The following SASH1 variants were observed in gnomAD, a reference collection of about 807,000 sequenced individuals.
SASH1 encodes SAM and SH3 domain containing 1, also known as SAM and SH3 domain-containing protein 1.
In SASH1, 44 loss-of-function variants were observed where a neutral mutation model predicts 125.2. The observed-to-expected ratio is 0.35, with a 90% CI of 0.28 to 0.45. The LOEUF (loss-of-function observed/expected upper bound fraction) is 0.45, where lower values mean the gene tolerates loss of function less well. Among genes scored for constraint, SASH1 ranks in the 20% least tolerant of loss-of-function variants. The probability of loss-of-function intolerance (pLI) is 1.00; values close to 1 mark genes in which losing one functional copy is unlikely to be tolerated. For synonymous variants in SASH1, 639 were observed against 649.1 expected (o/e 0.98, Z 0.24); for missense variants, 1,426 against 1,614.5 (o/e 0.88, Z 2.00).
intron 1 of SASH1, among the ~76,000 whole-genome samples, chr6:148,318,391 T>C (rs1780537132): frequency 6.6e-6 from 1 of 152,204 alleles, no homozygotes; most frequent in Non-Finnish European, 1.5e-5. Context: ...GATAGTTTAG[T>C]TCAAAATCAT....
chr6:148,316,822 T>C (rs776489914), intron 1 of SASH1, among the ~76,000 whole-genome samples: 2 of 152,234 alleles, frequency 1.3e-5, no homozygotes, highest in Non-Finnish European at 2.9e-5. Context: ...AGCTCTGGTA[T>C]GTCAGGGGTT....
chr6:148,494,542 G>A (rs918292909), intron 8 of SASH1, among the ~76,000 whole-genome samples: 4 of 152,190 alleles, frequency 2.6e-5, no homozygotes, highest in Middle Eastern at 3.4e-3. Context: ...CAGGAGAGTC[G>A]CTTGAACCCG....
upstream of SASH1, among the ~76,000 whole-genome samples, chr6:148,339,836 T>C (rs914854011): frequency 6.6e-6 from 1 of 152,162 alleles, no homozygotes; most frequent in African/African-American, 2.4e-5. Context: ...TGAGCCACCA[T>C]GCCCGGCCCG....
intron 1 of SASH1, among the ~76,000 whole-genome samples, chr6:148,302,612 ACG>A (rs1481637851): frequency 2.0e-5 from 3 of 149,100 alleles, no homozygotes; most frequent in African/African-American, 7.4e-5. Context: ...ACACACACAC[ACG>A]CAGAAATCAT....
chr6:148,328,099 A>T, intron 1 of SASH1, among the ~76,000 whole-genome samples: 1 of 152,138 alleles, frequency 6.6e-6, no homozygotes, highest in South Asian at 2.1e-4. Flanking sequence ...GACTACTCAC[A>T]CATGCGATTA....
At chr6:148,384,918 A>T (rs1459423947) in intron 1 of SASH1, among the ~76,000 whole-genome samples, 1 of 152,200 alleles carries the variant, frequency 6.6e-6, no homozygotes, top group African/African-American at 2.4e-5. Flanking sequence ...TTCATTTTTT[A>T]AAGCCTGAAT....
chr6:148,461,158 C>T (rs1777597195), intron 4 of SASH1, among the ~76,000 whole-genome samples: 1 of 152,208 alleles, frequency 6.6e-6, no homozygotes, highest in Non-Finnish European at 1.5e-5. Flanking sequence ...CACAACTGCA[C>T]TTAGAAAGAC....
chr6:148,389,453 A>T (rs1783609060), intron 1 of SASH1, among the ~76,000 whole-genome samples: 1 of 152,248 alleles, frequency 6.6e-6, no homozygotes, highest in African/African-American at 2.4e-5. Flanking sequence ...TGGACTTGGA[A>T]TGCCTAGTGA....
chr6:148,284,375 G>A (rs1038947820), intron 1 of SASH1, among the ~76,000 whole-genome samples: 1 of 152,098 alleles, frequency 6.6e-6, no homozygotes, highest in African/African-American at 2.4e-5. Context: ...GGAGGCAGAG[G>A]TTGCAGTGAG....
intron 8 of SASH1, among the ~76,000 whole-genome samples, chr6:148,506,697 A>G (rs1779821331): frequency 6.6e-6 from 1 of 152,156 alleles, no homozygotes; most frequent in South Asian, 2.1e-4. Flanking sequence ...CCTTGGGCTA[A>G]TCCTCTTCCC....
At chr6:148,494,288 C>T (rs1779225396) in intron 8 of SASH1, among the ~76,000 whole-genome samples, 1 of 152,192 alleles carries the variant, frequency 6.6e-6, no homozygotes, top group Non-Finnish European at 1.5e-5. Context: ...CAACAAAGCA[C>T]AAGATGGGCT....
rs9498010 is a variant in SASH1 at position 148,352,745 on chromosome 6, G to T, written c.156+9522G>T. ...CCAGCACTTTGGGAGGCCGAGGCAG[G>T]TGGATCACCTGTCAGGAGTTCAAGA... On this transcript the variant is annotated intron_variant, in intron 1 of 19. Transcript: ENST00000367467. 9.8e-3 allele frequency among the ~76,000 whole-genome samples: 1,497 copies of T among 152,202 alleles called. 32 individuals are homozygous for T. The highest frequency in any genetic ancestry group is 0.035 in the African/African-American group (1,440 of 41,512).
chr6:148,389,316 C>A (rs543660172), intron 1 of SASH1, among the ~76,000 whole-genome samples: 21 of 151,816 alleles, frequency 1.4e-4, no homozygotes, highest in Non-Finnish European at 2.4e-4. Context: ...CAATACCAGG[C>A]GCTATGGAGC....
chr6:148,354,892 T>C (rs2114679947), intron 1 of SASH1, among the ~76,000 whole-genome samples: 1 of 152,314 alleles, frequency 6.6e-6, no homozygotes, highest in Non-Finnish European at 1.5e-5. Flanking sequence ...CCCAAGTAGC[T>C]GGGATTAGGG....
chr6:148,358,731 TTG>T (rs1478645746), intron 1 of SASH1, among the ~76,000 whole-genome samples: 4 of 124,792 alleles, frequency 3.2e-5, no homozygotes, highest in Non-Finnish European at 3.5e-5. Flanking sequence ...TGCCATGTTT[TTG>T]TTTTTTTTTT....
intron 1 of SASH1, among the ~76,000 whole-genome samples, chr6:148,288,265 G>T (rs180728711): frequency 2.0e-5 from 3 of 152,160 alleles, no homozygotes; most frequent in African/African-American, 7.2e-5. Flanking sequence ...ATGACAGAGC[G>T]GCCCTGGGAT....
At chr6:148,478,907 C>T (rs1026391216) in intron 7 of SASH1, 2 of 180,026 alleles carry the variant, frequency 1.1e-5, no homozygotes, top group Non-Finnish European at 1.3e-5. Context: ...TTGGGCATGC[C>T]ATACATTTGG....
Position 148,544,847 on chromosome 6 carries a change from C to T in SASH1, c.3348+29C>T. The T allele has an allele frequency of 2.6e-6, 4 of 1,527,204 alleles. No homozygotes were observed. The highest frequency in any genetic ancestry group is 3.5e-6 in the Non-Finnish European group (4 of 1,135,222). The allele number at this position is 1,527,204 out of a possible 1,614,324, so 94.6% of individuals were successfully genotyped here. The stretch of plus-strand genomic sequence containing the variant: ...TCAAAGGTCCTGGGCCCACCACGTT[C>T]ACAGGCCTTTGTTTGTAGAAGTCAG... On this transcript the variant is annotated intron_variant, in intron 18 of 19. Coordinates refer to ENST00000367467, the MANE Select transcript of SASH1 (RefSeq NM_015278.5). This position sits in a 1 kb window ranked among gnomAD's most constrained non-coding sequence, Gnocchi z 6.4.
chr6:148,343,039 G>T lies in SASH1; in HGVS notation c.-29G>T. On this transcript the variant is annotated 5_prime_UTR_variant, in exon 1 of 20. Coordinates refer to ENST00000367467, the MANE Select transcript of SASH1 (RefSeq NM_015278.5). ...GGGGCGAGGGCGCCGCGGGGACTGG[G>T]ACGCACGGCCCGCGCGCGGGACACG... 3.2e-6 allele frequency: 4 copies of T among 1,242,184 alleles called. No individual in the cohort carries two copies. The highest frequency in any genetic ancestry group is 4.0e-6 in the Non-Finnish European group (4 of 994,516). The allele number at this position is 1,242,184 out of a possible 1,614,324, so 76.9% of individuals were successfully genotyped here.
Sources: gnomAD v4.1 joint callset for allele counts (sites outside exome capture counted in the v4.1 genomes callset) on GRCh38, gnomAD v4.1.1 for gene constraint, Gnocchi (gnomAD v3.1) non-coding constraint, MANE v1.5 for transcripts, NCBI Gene and HGNC (gene_info 2026-07-23, HGNC 2026-07-21) for gene names.